The following KCNJ16 variants were observed in gnomAD, a reference collection of about 807,000 sequenced individuals.
The protein encoded by KCNJ16 is inward rectifier potassium channel 16.
A neutral mutation model predicts 18.5 loss-of-function variants in KCNJ16; 15 were observed. The ratio of observed to expected loss-of-function variants is 0.81; its 90% CI spans 0.54 to 1.25. The LOEUF (loss-of-function observed/expected upper bound fraction) is 1.25. KCNJ16 is among the 50% of genes most tolerant of loss of function. The pLI is 0.00. For synonymous variants in KCNJ16, 174 were observed against 186.5 expected (o/e 0.93, Z 0.55); for missense variants, 523 against 525.7 (o/e 0.99, Z 0.05).
chr17:70,089,432 T>A (rs12051811), intron 1 of KCNJ16, among the ~76,000 whole-genome samples: 1 of 152,224 alleles, frequency 6.6e-6, no homozygotes, highest in African/African-American at 2.4e-5. Context: ...TATTTAACTC[T>A]CAGCATTTCC....
rs551011581 is a variant in KCNJ16 at position 70,119,529 on chromosome 17, T to C, written c.-190-11350T>C. On this transcript the variant is annotated intron_variant, in intron 2 of 3. Coordinates refer to ENST00000392671, the MANE Select transcript of KCNJ16 (RefSeq NM_170741.4). ...AAGAGGCTACCAAGCCTCATAACTC[T>C]TGCATTCCATGGACCTGCAGGCTTA... is the stretch of plus-strand genomic sequence containing the variant. Among the ~76,000 whole-genome samples, 22 of 152,340 alleles carry C rather than the reference T, an allele frequency of 1.4e-4. No homozygotes were observed. The South Asian group carries it at 4.3e-3, about 30-fold the overall frequency.
intron 2 of KCNJ16, chr17:70,108,452 TG>T (rs2073031879): frequency 6.9e-6 from 1 of 144,224 alleles, no homozygotes; most frequent in Admixed American, 6.7e-5. Context: ...GACATTCTTT[TG>T]TGTGTGCATA....
chr17:70,129,451 T>G (rs995378287), intron 2 of KCNJ16, among the ~76,000 whole-genome samples: 6 of 152,210 alleles, frequency 3.9e-5, no homozygotes, highest in African/African-American at 1.4e-4. Flanking sequence ...CTCCATAAAC[T>G]TCTTTGCTCA....
At chr17:70,115,982 A>AT (rs2073385548) in intron 2 of KCNJ16, among the ~76,000 whole-genome samples, 1 of 152,164 alleles carries the variant, frequency 6.6e-6, no homozygotes, top group African/African-American at 2.4e-5. Context: ...CCCCTTTACA[A>AT]AGCCTCAGAA....
intron 2 of KCNJ16, among the ~76,000 whole-genome samples, chr17:70,103,785 G>C (rs1192418095): frequency 6.6e-6 from 1 of 151,980 alleles, no homozygotes; most frequent in Non-Finnish European, 1.5e-5. Context: ...TCATTTGGCT[G>C]TCAGAAAGCA....
In KCNJ16 at chr17:70,117,285, A is replaced by C. The variant is rs9895243; in HGVS notation, c.-190-13594A>C. Among the ~76,000 whole-genome samples the C allele has an allele frequency of 6.1e-3, 930 of 152,284 alleles. 11 individuals carry two copies. The highest frequency in any genetic ancestry group is 0.02 in the African/African-American group (838 of 41,556). ...ATGAACATAAACATGGCAACAACAG[A>C]CACCGAGGACTACTAGAAGGGAGAG... On this transcript the variant is annotated intron_variant, in intron 2 of 3. Coordinates refer to ENST00000392671, the MANE Select transcript of KCNJ16 (RefSeq NM_170741.4).
intron 2 of KCNJ16, among the ~76,000 whole-genome samples, chr17:70,103,286 A>ATGTGTGATATGTG (rs367701950): frequency 0.26 from 27,249 of 102,828 alleles, 4,630 homozygotes; most frequent in East Asian, 0.51. Context: ...ATATGCATAT[A>ATGTGTGATATGTG]TGTGTGTGTG....
chr17:70,122,228 A>C (rs1161146211), intron 2 of KCNJ16, among the ~76,000 whole-genome samples: 1 of 151,386 alleles, frequency 6.6e-6, no homozygotes, highest in Non-Finnish European at 1.5e-5. Flanking sequence ...GCTGGAGTGC[A>C]GTAGCACTAT....
At chr17:70,085,843 G>C (rs577327891) in intron 1 of KCNJ16, among the ~76,000 whole-genome samples, 23 of 152,040 alleles carry the variant, frequency 1.5e-4, no homozygotes, top group Non-Finnish European at 2.8e-4. Flanking sequence ...ATAAGAATTT[G>C]TTATTTCCCT....
chr17:70,131,150 T>C (rs1398214641), intron 3 of KCNJ16, among the ~76,000 whole-genome samples, 175 bp downstream of exon 3: 1 of 150,096 alleles, frequency 6.7e-6, no homozygotes, highest in Non-Finnish European at 1.5e-5. Flanking sequence ...CTTTGGCAAA[T>C]TTTTGGGACT....
intron 2 of KCNJ16, among the ~76,000 whole-genome samples, chr17:70,106,207 T>C (rs183084026): frequency 1.3e-5 from 2 of 152,084 alleles, no homozygotes; most frequent in African/African-American, 2.4e-5. Flanking sequence ...CTGACAAATA[T>C]GGCTCAAAAT....
intron 2 of KCNJ16, among the ~76,000 whole-genome samples, chr17:70,130,385 C>T (rs2074014328): frequency 6.6e-6 from 1 of 152,164 alleles, no homozygotes; most frequent in African/African-American, 2.4e-5. Context: ...GGTTGAAGTG[C>T]TGACAAACGA....
chr17:70,085,991 A>T (rs1194640034), intron 1 of KCNJ16, among the ~76,000 whole-genome samples: 1 of 152,208 alleles, frequency 6.6e-6, no homozygotes, highest in East Asian at 1.9e-4. Context: ...CGACAGATGG[A>T]AGTTTGCTGC....
intron 2 of KCNJ16, among the ~76,000 whole-genome samples, chr17:70,117,515 T>C (rs983713168): frequency 3.9e-5 from 6 of 152,186 alleles, no homozygotes; most frequent in African/African-American, 1.4e-4. Context: ...AGGAAGACGA[T>C]AACATAAAAA....
At chr17:70,090,935 A>T (rs76073030) in intron 1 of KCNJ16, among the ~76,000 whole-genome samples, 11 of 152,308 alleles carry the variant, frequency 7.2e-5, no homozygotes, top group Non-Finnish European at 1.5e-4. Flanking sequence ...CCTTAGCCTA[A>T]CCGGTGAATG....
At chr17:70,131,257 C>G (rs760911879) in intron 3 of KCNJ16, 8 of 838,266 alleles carry the variant, frequency 9.5e-6, no homozygotes, top group Non-Finnish European at 1.3e-5. Context: ...GAGACAAAGA[C>G]AGAGGCAATT....
At chr17:70,095,034 TA>T (rs1001393260) in intron 1 of KCNJ16, among the ~76,000 whole-genome samples, 1 of 151,982 alleles carries the variant, frequency 6.6e-6, no homozygotes, top group African/African-American at 2.4e-5. Flanking sequence ...CAAGCTTCCC[TA>T]AAAAAAAGCA....
chr17:70,116,928 T>C (rs989353168), intron 2 of KCNJ16, among the ~76,000 whole-genome samples: 2 of 152,164 alleles, frequency 1.3e-5, no homozygotes, highest in Non-Finnish European at 2.9e-5. Context: ...AGAACTACTA[T>C]TCAAACCAAC....
At chr17:70,078,225 C>T (rs993678438) in intron 1 of KCNJ16, among the ~76,000 whole-genome samples, 3 of 152,116 alleles carry the variant, frequency 2.0e-5, no homozygotes, top group African/African-American at 7.2e-5. Flanking sequence ...TTCCCAGTTG[C>T]CATGGCTCCA....
Sources: gnomAD v4.1 joint callset for allele counts (sites outside exome capture counted in the v4.1 genomes callset) on GRCh38, gnomAD v4.1.1 for gene constraint, MANE v1.5 for transcripts, NCBI Gene and HGNC (gene_info 2026-07-23, HGNC 2026-07-21) for gene names.